The following SIPA1L1 variants were observed in gnomAD, a reference collection of about 807,000 sequenced individuals.
SIPA1L1 encodes the protein signal induced proliferation associated 1 like 1.
SIPA1L1 carries 26 observed loss-of-function variants against 162.7 expected under a neutral mutation model. That is an observed-to-expected ratio of 0.16 (90% confidence interval 0.12 to 0.22). SIPA1L1 has a LOEUF of 0.22. Among genes scored for constraint, SIPA1L1 ranks in the 10% least tolerant of loss-of-function variants. The pLI is 1.00. For missense variants in SIPA1L1, 1,874 were observed against 2,241.0 expected, an observed-to-expected ratio of 0.84 and a Z score of 3.31; for synonymous variants, 829 against 837.4, an observed-to-expected ratio of 0.99 and a Z score of 0.17.
At chr14:71,356,552 A>G (rs1168918006) in intron 2 of SIPA1L1, among the ~76,000 whole-genome samples, 3 of 120,942 alleles carry the variant, frequency 2.5e-5, no homozygotes, top group Admixed American at 8.6e-5. Context: ...GCAACATAGC[A>G]AGACCTTGTC....
intron 5 of SIPA1L1, among the ~76,000 whole-genome samples, chr14:71,608,908 C>T (rs1596392000): frequency 6.6e-6 from 1 of 151,790 alleles, no homozygotes; most frequent in Non-Finnish European, 1.5e-5. Flanking sequence ...CAAAACAAAA[C>T]AAAAACAAAC....
intron 2 of SIPA1L1, among the ~76,000 whole-genome samples, chr14:71,376,982 A>G (rs951564336): frequency 6.6e-6 from 1 of 152,018 alleles, no homozygotes; most frequent in Admixed American, 6.5e-5. Context: ...TTTTCCCCAC[A>G]TTTCCCCCTT....
At chr14:71,649,861 A>C (rs1444658248) in intron 7 of SIPA1L1, among the ~76,000 whole-genome samples, 3 of 146,772 alleles carry the variant, frequency 2.0e-5, no homozygotes, top group Non-Finnish European at 4.5e-5. Context: ...CTAATTTTAC[A>C]AAAAAAAAAC....
chr14:71,463,100 G>C (rs757298615), intron 2 of SIPA1L1, among the ~76,000 whole-genome samples: 10 of 152,142 alleles, frequency 6.6e-5, no homozygotes, highest in Non-Finnish European at 1.0e-4. Context: ...GGCCAAATGG[G>C]ATCACCATCC....
intron 5 of SIPA1L1, among the ~76,000 whole-genome samples, chr14:71,600,456 G>A (rs1052569326): frequency 5.3e-5 from 8 of 152,112 alleles, no homozygotes; most frequent in Non-Finnish European, 8.8e-5. Flanking sequence ...TGGTCTTTGT[G>A]TCTGTTTTTA....
At chr14:71,527,206 G>C (rs1263301864) in intron 3 of SIPA1L1, among the ~76,000 whole-genome samples, 1 of 152,076 alleles carries the variant, frequency 6.6e-6, no homozygotes, top group Non-Finnish European at 1.5e-5. Context: ...GGGATGTGGT[G>C]GTGCAATTAG....
At chr14:71,446,901 TTTTTG>T (rs1277701648) in intron 2 of SIPA1L1, among the ~76,000 whole-genome samples, 977 of 84,188 alleles carry the variant, frequency 0.012, 38 homozygotes, top group Middle Eastern at 0.015. Context: ...TCTGTTTTTT[TTTTTG>T]TTTTTTTTTT....
chr14:71,475,923 A>G (rs745895384), intron 2 of SIPA1L1, among the ~76,000 whole-genome samples: 2 of 152,206 alleles, frequency 1.3e-5, no homozygotes, highest in Non-Finnish European at 2.9e-5. Context: ...TTTTGAACCA[A>G]GGCTGGATCA....
intron 8 of SIPA1L1, among the ~76,000 whole-genome samples, chr14:71,653,281 G>A (rs1170042492): frequency 6.6e-6 from 1 of 152,142 alleles, no homozygotes; most frequent in East Asian, 1.9e-4. Context: ...CCAACCCAGT[G>A]TGAACTGTGG....
intron 2 of SIPA1L1, among the ~76,000 whole-genome samples, chr14:71,423,899 T>C (rs1453178997): frequency 6.6e-6 from 1 of 152,164 alleles, no homozygotes; most frequent in Non-Finnish European, 1.5e-5. Flanking sequence ...TTTTGGGTAA[T>C]ATTGCTATCT....
At chr14:71,643,434 T>G (rs1274771113) in intron 7 of SIPA1L1, among the ~76,000 whole-genome samples, 4 of 152,232 alleles carry the variant, frequency 2.6e-5, no homozygotes, top group African/African-American at 7.2e-5. Context: ...TAAGACTTTT[T>G]TGTGTGTTTA....
intron 8 of SIPA1L1, among the ~76,000 whole-genome samples, chr14:71,658,065 G>A (rs532445491): frequency 4.0e-5 from 6 of 151,334 alleles, no homozygotes; most frequent in East Asian, 1.9e-4. Flanking sequence ...GATACTGTGC[G>A]CTTCGATATA....
chr14:71,729,429 G>C (rs2084551711), intron 19 of SIPA1L1, among the ~76,000 whole-genome samples: 1 of 152,182 alleles, frequency 6.6e-6, no homozygotes, highest in East Asian at 1.9e-4. Context: ...AGGTTCAGTT[G>C]GTGTAAGTTA....
At chr14:71,371,845 G>A (rs2038919455) in intron 2 of SIPA1L1, among the ~76,000 whole-genome samples, 1 of 152,108 alleles carries the variant, frequency 6.6e-6, no homozygotes, top group South Asian at 2.1e-4. Flanking sequence ...TGTATTCTTT[G>A]TATACTCTTG....
At chr14:71,599,535 T>C (rs1383602652) in intron 5 of SIPA1L1, among the ~76,000 whole-genome samples, 1 of 151,922 alleles carries the variant, frequency 6.6e-6, no homozygotes, top group East Asian at 1.9e-4. Context: ...CATTCATTCA[T>C]TGATGGACAT....
chr14:71,347,272 T>G (rs2036267043), intron 2 of SIPA1L1, among the ~76,000 whole-genome samples: 1 of 152,122 alleles, frequency 6.6e-6, no homozygotes, highest in Non-Finnish European at 1.5e-5. Context: ...AAATGTAGTA[T>G]TTTGTGACTG....
Position 71,512,822 on chromosome 14 carries a change from C to T in SIPA1L1, c.-385C>T, listed in dbSNP as rs576529891. On this transcript the variant is annotated 5_prime_UTR_variant, in exon 3 of 24. Transcript: ENST00000381232. ...ATCATCAATTGTCTCTCTGGGCGGC[C>T]ACCTATGAGACTTCATCTGTGTGGT... 6.6e-6 allele frequency: 1 copy of T among 152,426 alleles called. No individual in the cohort carries two copies. The highest frequency in any genetic ancestry group is 1.9e-4 in the East Asian group (1 of 5,184). 9.4% of individuals were successfully genotyped at this position (152,426 alleles called of 1,614,324 possible). A position where few individuals can be genotyped will look rare whatever the true frequency, so the allele number is the denominator to read the frequency against.
intron 7 of SIPA1L1, among the ~76,000 whole-genome samples, chr14:71,626,894 A>G (rs905480149): frequency 1.3e-5 from 2 of 152,032 alleles, no homozygotes; most frequent in Non-Finnish European, 2.9e-5. Flanking sequence ...TCCTCATTTT[A>G]CCACTATCAA....
At chr14:71,661,198 T>TGC in intron 9 of SIPA1L1, 112 bp from the exon 10 acceptor site, 2 of 1,067,390 alleles carry the variant, frequency 1.9e-6, no homozygotes, top group Non-Finnish European at 2.7e-6. Context: ...TTACCTACCT[T>TGC]CATGTGTACT....
Sources: gnomAD v4.1 joint callset for allele counts (sites outside exome capture counted in the v4.1 genomes callset) on GRCh38, gnomAD v4.1.1 for gene constraint, MANE v1.5 for transcripts, NCBI Gene and HGNC (gene_info 2026-07-23, HGNC 2026-07-21) for gene names.